Variants in AHDC1 observed in about 807,000 individuals in gnomAD.
AHDC1 encodes the protein AT-hook DNA binding motif containing 1.
In AHDC1, 7 loss-of-function variants were observed where a neutral mutation model predicts 87.9. The observed-to-expected ratio is 0.08, with a 90% CI of 0.05 to 0.15. AHDC1 has a LOEUF of 0.15. Among genes scored for constraint, AHDC1 ranks in the 10% least tolerant of loss-of-function variants. The pLI, the probability that AHDC1 is intolerant of heterozygous loss-of-function variation, is 1.00. For synonymous variants in AHDC1, 1,051 were observed against 1,006.8 expected (o/e 1.04, Z -0.83); for missense variants, 1,841 against 2,253.2 (o/e 0.82, Z 3.70).
intron 3 of AHDC1, among the ~76,000 whole-genome samples, chr1:27,588,225 G>A (rs1557703078): frequency 6.6e-6 from 1 of 152,118 alleles, no homozygotes; most frequent in Non-Finnish European, 1.5e-5. Context: ...ACCCTTCCAC[G>A]CTTCCTCTTA....
chr1:27,559,480 T>C (rs1335033032), intron 3 of AHDC1, among the ~76,000 whole-genome samples: 1 of 152,234 alleles, frequency 6.6e-6, no homozygotes, highest in Non-Finnish European at 1.5e-5. Flanking sequence ...AGTCTGACAG[T>C]CCTTGGCTCA....
chr1:27,550,846 C>A lies in AHDC1; in HGVS notation c.1270G>T (p.Ala424Ser). Residue 424 changes from alanine (A) to serine (S), a missense_variant, in exon 8 of 9, where the codon GCT becomes TCT. Physicochemically the swap from Ala to Ser is moderately conservative, Grantham distance 99 (BLOSUM62 1). This residue lies in a region of AHDC1 where 370 missense variants were observed against 391.5 expected (regional missense o/e 0.95). Coordinates refer to ENST00000673934, the MANE Select transcript of AHDC1 (RefSeq NM_001371928.1). The stretch of plus-strand genomic sequence containing the variant: ...GGTGGTGGGGGTTCGGCCAGGGCAG[C>A]CACCAGCCCCGTGGGCATAGGCAGG... ...LPLPMPTGLV[A>S]ALAEPPPPPP... The A allele has an allele frequency of 6.4e-7, 1 of 1,569,800 alleles. No homozygotes were observed. The highest frequency in any genetic ancestry group is 8.6e-7 in the Non-Finnish European group (1 of 1,160,828).
intron 8 of AHDC1, among the ~76,000 whole-genome samples, chr1:27,542,518 T>C (rs2018975805): frequency 6.6e-6 from 1 of 152,256 alleles, no homozygotes; most frequent in Non-Finnish European, 1.5e-5. Flanking sequence ...GGTATTTACC[T>C]ACCCATCACC....
rs927919521 is a variant in AHDC1, at chr1:27,547,238, T to C, written c.*43+23A>G. The C allele has an allele frequency of 1.4e-6, 2 of 1,465,142 alleles. No individual in the cohort carries two copies. Among genetic ancestry groups the C allele is most frequent in the African/African-American group, 1.4e-5 (1 of 70,676 alleles). The allele number at this position is 1,465,142 out of a possible 1,614,324, so 90.8% of individuals were successfully genotyped here. On this transcript the variant is annotated intron_variant, in intron 8 of 8. Coordinates refer to ENST00000673934, the MANE Select transcript of AHDC1 (RefSeq NM_001371928.1). The surrounding 1 kb of genome is among the most constrained non-coding windows in gnomAD (Gnocchi z 4.9). Reference sequence around the variant, plus strand: ...TTCCCACCCCCAGGCCTCTGCCCACTGCGCCCACATCCCCAGACTCACCCA... The same window carrying C: ...TTCCCACCCCCAGGCCTCTGCCCACCGCGCCCACATCCCCAGACTCACCCA...
At chr1:27,576,351 T>C (rs1428337538) in intron 3 of AHDC1, among the ~76,000 whole-genome samples, 1 of 152,184 alleles carries the variant, frequency 6.6e-6, no homozygotes, top group Non-Finnish European at 1.5e-5. Flanking sequence ...GAAAAGGCCC[T>C]CTGCAGGGAA....
At chr1:27,557,922 CA>C (rs1040851549) in intron 5 of AHDC1, among the ~76,000 whole-genome samples, 14 of 152,210 alleles carry the variant, frequency 9.2e-5, no homozygotes, top group Admixed American at 9.2e-4. Context: ...CCTGCTTGCA[CA>C]CAAGCTTGAG....
Position 27,547,939 on chromosome 1 carries a change from C to T in AHDC1, c.4177G>A (p.Gly1393Ser), listed in dbSNP as rs371911768. ...LAHPPTVFDA[G>S]LQKAYSPTCS... ...GTGGGCGAGTATGCCTTCTGCAGGC[C>T]GGCGTCAAACACCGTGGGTGGGTGG... The change falls in exon 8 of 9, where the codon GGC becomes AGC. Residue 1393 changes from glycine (G) to serine (S), a missense_variant. By Grantham distance (56) the Gly-to-Ser change is moderately conservative. Coordinates refer to ENST00000673934, the MANE Select transcript of AHDC1 (RefSeq NM_001371928.1). The surrounding 1 kb of genome is among the most constrained non-coding windows in gnomAD (Gnocchi z 4.9). 31 of 1,585,784 alleles carry T rather than the reference C, an allele frequency of 2.0e-5. No individual in the cohort carries two copies. The highest frequency in any genetic ancestry group is 2.3e-5 in the Non-Finnish European group (27 of 1,162,520).
At chr1:27,599,227 G>A (rs937363812) in intron 3 of AHDC1, among the ~76,000 whole-genome samples, 1 of 151,958 alleles carries the variant, frequency 6.6e-6, no homozygotes, top group Non-Finnish European at 1.5e-5. Flanking sequence ...CCTCCCTCTC[G>A]AGCTCTCCTT....
rs377557826 is a variant in AHDC1 at position 27,551,242 on chromosome 1, C to G, written c.874G>C (p.Gly292Arg). 6.2e-7 allele frequency: 1 copy of G among 1,609,568 alleles called. No individual in the cohort carries two copies. The highest frequency in any genetic ancestry group is 8.5e-7 in the Non-Finnish European group (1 of 1,179,668). ...FLDPQALEPLGEALELPPLQP... is the reference protein window; with the variant it reads ...FLDPQALEPLREALELPPLQP... ...AGGGGTGGCAGCTCCAGAGCTTCCC[C>G]GAGCGGCTCTAGTGCCTGCGGGTCC... is the stretch of plus-strand genomic sequence containing the variant. The change falls in exon 8 of 9, where the codon GGG (glycine) becomes CGG (arginine). Residue 292 changes from glycine to arginine, a missense_variant. By Grantham distance (125) the Gly-to-Arg change is moderately radical. Coordinates refer to ENST00000673934, the MANE Select transcript of AHDC1 (RefSeq NM_001371928.1).
intron 8 of AHDC1, among the ~76,000 whole-genome samples, chr1:27,542,430 T>C (rs2018970120): frequency 6.6e-6 from 1 of 152,176 alleles, no homozygotes; most frequent in South Asian, 2.1e-4. Context: ...TGGTCCTGCA[T>C]GAAGGTACAA....
chr1:27,599,762 G>A (rs954344685), intron 3 of AHDC1, among the ~76,000 whole-genome samples: 9 of 151,898 alleles, frequency 5.9e-5, no homozygotes, highest in African/African-American at 1.7e-4. Flanking sequence ...ACGCCCCCCC[G>A]GGTCCCAAGA....
intron 3 of AHDC1, among the ~76,000 whole-genome samples, chr1:27,569,577 C>T (rs954817580): frequency 2.1e-4 from 32 of 152,136 alleles, no homozygotes; most frequent in African/African-American, 7.2e-4. Flanking sequence ...TAGTACCAGG[C>T]GGGTTCTCTC....
At chr1:27,600,404 T>C (rs1016260997) in intron 3 of AHDC1, among the ~76,000 whole-genome samples, 1 of 150,512 alleles carries the variant, frequency 6.6e-6, no homozygotes, top group African/African-American at 2.5e-5. Context: ...TACACAGGCA[T>C]GGCACCCCCT....
rs2019408173 is a variant in AHDC1 at position 27,549,655 on chromosome 1, C to T, written c.2461G>A (p.Ala821Thr). 2.5e-6 allele frequency: 4 copies of T among 1,613,122 alleles called. No homozygotes were observed. Among genetic ancestry groups the T allele is most frequent in the Non-Finnish European group, 3.4e-6 (4 of 1,180,018 alleles). Reference protein sequence around the residue: ...SGRGSYYSTGAPSGQTELSQE... With the variant: ...SGRGSYYSTGTPSGQTELSQE... ...CTGAGCTCGGTCTGGCCTGAGGGTGCACCCGTGCTGTAGTAGCTGCCACGG... is the reference window on the plus strand; with the variant it reads ...CTGAGCTCGGTCTGGCCTGAGGGTGTACCCGTGCTGTAGTAGCTGCCACGG... Residue 821 changes from alanine (A) to threonine (T), a missense_variant, in exon 8 of 9, where the codon GCA becomes ACA. By Grantham distance (58) the Ala-to-Thr change is moderately conservative. Around this residue, in one of 13 missense-constraint regions of AHDC1, gnomAD observed 236 missense variants for 257.9 expected, o/e 0.92. Transcript: ENST00000673934.
In AHDC1 at chr1:27,552,043, G is replaced by T. The variant is rs2148298191; in HGVS notation, c.73C>A (p.Pro25Thr). 2.0e-6 allele frequency: 3 copies of T among 1,496,636 alleles called. No homozygotes were observed. Among genetic ancestry groups the T allele is most frequent in the Non-Finnish European group, 2.7e-6 (3 of 1,124,094 alleles). The allele number at this position is 1,496,636 out of a possible 1,614,324, so 92.7% of individuals were successfully genotyped here. A position where few individuals can be genotyped will look rare whatever the true frequency, so the allele number is the denominator to read the frequency against. The change falls in exon 8 of 9, where the codon CCC (proline) becomes ACC (threonine). Residue 25 changes from proline (P) to threonine (T), a missense_variant. By Grantham distance (38) the Pro-to-Thr change is conservative. This residue lies in a region of AHDC1 where 142 missense variants were observed against 165.6 expected (regional missense o/e 0.86). Coordinates refer to ENST00000673934, the MANE Select transcript of AHDC1 (RefSeq NM_001371928.1). ...GGGGGGCCGCCGGGGTAGTACTTGG[G>T]TTCCCGGAGGTAGTCAGGAGAGCTG... The part of the protein sequence containing the change: ...VCSSPDYLRE[P>T]KYYPGGPPTP...
chr1:27,582,775 T>C (rs2088942550), intron 3 of AHDC1, among the ~76,000 whole-genome samples: 2 of 152,356 alleles, frequency 1.3e-5, no homozygotes, highest in Admixed American at 1.3e-4. Context: ...GGTACTTTGA[T>C]GACCCTGTGT....
At position 27,550,460 on chromosome 1, in the gene AHDC1, C is replaced by T. The variant is rs752961417; in HGVS notation, c.1656G>A (p.Lys552=). The T allele has an allele frequency of 2.9e-5, 46 of 1,607,010 alleles. No homozygotes were observed. Among genetic ancestry groups the T allele is most frequent in the Non-Finnish European group, 3.7e-5 (43 of 1,174,854 alleles). ...GCTTGCCGGGACCCAGCAGCAGGTT[C>T]TTAGGAGGGCGGCCGCGCTTACGTT... ...ILKRKRGRPP[K]NLLLGPGKPK... is the part of the protein sequence containing the mutation. Residue 552 remains lysine, a synonymous_variant, in exon 8 of 9, where the codon AAG becomes AAA. Transcript: ENST00000673934.
In AHDC1 at chr1:27,560,200, T is replaced by TTG. The variant is rs10623052; in HGVS notation, c.-628-1319_-628-1318dup. ...CTTTTCACGTTTATTTCTATTCGTT[T>TTG]TGTGTGTGTGTGTGTGTGTGTGTGA... On this transcript the variant is annotated intron_variant, in intron 3 of 8. Coordinates refer to ENST00000673934, the MANE Select transcript of AHDC1 (RefSeq NM_001371928.1). The surrounding 1 kb of genome is among the most constrained non-coding windows in gnomAD (Gnocchi z 4.1). 0.81 allele frequency among the ~76,000 whole-genome samples: 120,692 copies of TTG among 148,414 alleles called. 49,249 individuals carry two copies. Among genetic ancestry groups the TTG allele is most frequent in the East Asian group, 0.96 (4,852 of 5,054 alleles).
At chr1:27,575,604 G>A (rs1244055729) in intron 3 of AHDC1, among the ~76,000 whole-genome samples, 2 of 151,548 alleles carry the variant, frequency 1.3e-5, no homozygotes, top group Non-Finnish European at 2.9e-5. Flanking sequence ...CATCATCCCC[G>A]CGCAGCGCGC....
Sources: gnomAD v4.1 joint callset for allele counts (sites outside exome capture counted in the v4.1 genomes callset) on GRCh38, gnomAD v4.1.1 for gene constraint, gnomAD v4.1.1 regional missense constraint, Gnocchi (gnomAD v3.1) non-coding constraint, MANE v1.5 for transcripts, NCBI Gene and HGNC (gene_info 2026-07-23, HGNC 2026-07-21) for gene names.